ASTN2: variants seen among roughly 807,000 people sequenced by gnomAD.
The protein encoded by ASTN2 is astrotactin 2.
A neutral mutation model predicts 139.8 loss-of-function variants in ASTN2; 54 were observed. The observed-to-expected ratio is 0.39, with a 90% CI of 0.31 to 0.48. ASTN2 has a LOEUF of 0.48. ASTN2 is among the 20% of genes least tolerant of loss of function. ASTN2 has a pLI of 0.95. For missense variants in ASTN2, 1,565 were observed against 1,725.1 expected (o/e 0.91, Z 1.64); for synonymous variants, 756 against 719.5 (o/e 1.05, Z -0.81).
chr9:116,527,098 A>G (rs1323003577), intron 19 of ASTN2, among the ~76,000 whole-genome samples: 1 of 152,168 alleles, frequency 6.6e-6, no homozygotes, highest in Non-Finnish European at 1.5e-5. Context: ...CTAGAAGAAA[A>G]CAGTGGAAAA....
At chr9:117,385,390 G>A (rs1311040184) in intron 1 of ASTN2, among the ~76,000 whole-genome samples, 1 of 152,158 alleles carries the variant, frequency 6.6e-6, no homozygotes, top group Non-Finnish European at 1.5e-5. Flanking sequence ...TGTTTCTAGA[G>A]TATGTGGTCC....
intron 2 of ASTN2, among the ~76,000 whole-genome samples, chr9:117,269,195 C>T (rs751595588): frequency 6.6e-6 from 1 of 152,196 alleles, no homozygotes; most frequent in African/African-American, 2.4e-5. Flanking sequence ...GCTTACATTT[C>T]AGCAAAAGAC....
chr9:117,063,254 G>T (rs1337350205), intron 5 of ASTN2, among the ~76,000 whole-genome samples: 1 of 152,096 alleles, frequency 6.6e-6, no homozygotes. Flanking sequence ...AGAACCATTT[G>T]GGGCTCATCT....
chr9:116,763,813 T>C (rs1162505474), intron 13 of ASTN2, among the ~76,000 whole-genome samples: 1 of 152,164 alleles, frequency 6.6e-6, no homozygotes, highest in African/African-American at 2.4e-5. Context: ...CAGTAAGCTC[T>C]CCTATGGTTT....
intron 3 of ASTN2, chr9:117,181,025 G>T: frequency 1.3e-6 from 2 of 1,575,254 alleles, no homozygotes; most frequent in Non-Finnish European, 1.7e-6. Context: ...AGCCTGCACT[G>T]GGGTAGCGCA....
intron 14 of ASTN2, among the ~76,000 whole-genome samples, chr9:116,732,485 C>A (rs967391639): frequency 6.6e-5 from 10 of 152,178 alleles, no homozygotes; most frequent in African/African-American, 2.2e-4. Context: ...CCCTGGGGAA[C>A]AATTCCCCTC....
In ASTN2 at chr9:117,278,756, A is replaced by G. The variant is rs566382543; in HGVS notation, c.630+12570T>C. 3.9e-4 allele frequency among the ~76,000 whole-genome samples: 59 copies of G among 152,300 alleles called. No homozygotes were observed. The Middle Eastern group carries it at 0.01, about 26-fold the overall frequency. On this transcript the variant is annotated intron_variant, in intron 2 of 22. Transcript: ENST00000313400. ...TTAGCAGCCGAAGTTTGAATTGGGT[A>G]ATTGTTTGACTGTATCGGTGGATTT...
chr9:117,278,694 T>C lies in ASTN2; in HGVS notation c.630+12632A>G, dbSNP rs890727200. Reference sequence around the variant, plus strand: ...AGAAGGAAGGAAGAAAAAACAAGTGTTATTTTGCTATTAAAGACGCCCTTG... The same window carrying C: ...AGAAGGAAGGAAGAAAAAACAAGTGCTATTTTGCTATTAAAGACGCCCTTG... On this transcript the variant is annotated intron_variant, in intron 2 of 22. Coordinates refer to ENST00000313400, the MANE Select transcript of ASTN2 (RefSeq NM_001365068.1). Among the ~76,000 whole-genome samples the C allele has an allele frequency of 7.1e-4, 108 of 152,152 alleles. 2 individuals are homozygous for C. Among genetic ancestry groups the C allele is most frequent in the Admixed American group, 7.0e-3 (107 of 15,284 alleles).
chr9:116,889,435 C>T (rs1833701364), intron 10 of ASTN2, among the ~76,000 whole-genome samples: 1 of 152,092 alleles, frequency 6.6e-6, no homozygotes, highest in South Asian at 2.1e-4. Flanking sequence ...CTGCCGCTGG[C>T]CTGTTCACCT....
chr9:116,889,537 T>G (rs113387510), intron 10 of ASTN2, among the ~76,000 whole-genome samples: 3,071 of 152,230 alleles, frequency 0.02, 55 homozygotes, highest in Non-Finnish European at 0.033. Context: ...TTCTCATTTT[T>G]TTTTTGTGCA....
intron 4 of ASTN2, among the ~76,000 whole-genome samples, chr9:117,111,843 G>A (rs1224456407): frequency 1.3e-5 from 2 of 151,792 alleles, no homozygotes; most frequent in Non-Finnish European, 2.9e-5. Flanking sequence ...AGTTTGAAAG[G>A]AAGGAATGAA....
chr9:117,258,591 G>T (rs929274431), intron 2 of ASTN2, among the ~76,000 whole-genome samples: 13 of 152,094 alleles, frequency 8.5e-5, no homozygotes, highest in Non-Finnish European at 1.9e-4. Flanking sequence ...TGCTTTGCTT[G>T]CTTGTAAAGG....
At chr9:116,990,349 C>G (rs78005118) in intron 7 of ASTN2, among the ~76,000 whole-genome samples, 8,204 of 80,626 alleles carry the variant, frequency 0.1, 265 homozygotes, top group East Asian at 0.32. Context: ...CTCCTGCAAC[C>G]TCTGCCTCTT....
At chr9:116,460,160 T>C (rs919388262) in intron 20 of ASTN2, among the ~76,000 whole-genome samples, 1 of 152,134 alleles carries the variant, frequency 6.6e-6, no homozygotes, top group African/African-American at 2.4e-5. Context: ...AAAGGACATA[T>C]ATTGCATGAT....
chr9:117,396,668 T>G (rs932906209), intron 1 of ASTN2, among the ~76,000 whole-genome samples: 6 of 151,514 alleles, frequency 4.0e-5, no homozygotes, highest in Admixed American at 2.0e-4. Context: ...TGGGTTCAAG[T>G]GATTCTTCTG....
intron 4 of ASTN2, among the ~76,000 whole-genome samples, chr9:117,099,871 T>G (rs570139670): frequency 6.6e-6 from 1 of 152,314 alleles, no homozygotes. Context: ...CATAGATGAA[T>G]AACTGTCTCA....
chr9:117,179,943 A>G (rs1353166813), intron 3 of ASTN2, among the ~76,000 whole-genome samples: 3 of 152,174 alleles, frequency 2.0e-5, no homozygotes, highest in African/African-American at 7.2e-5. Context: ...TTCTGAGATC[A>G]TTGGTTCTCA....
At chr9:116,542,531 A>C (rs1196891255) in intron 19 of ASTN2, among the ~76,000 whole-genome samples, 2 of 152,236 alleles carry the variant, frequency 1.3e-5, no homozygotes, top group Admixed American at 6.5e-5. Flanking sequence ...AAAAACCTGA[A>C]CAAAGCCAAG....
intron 2 of ASTN2, among the ~76,000 whole-genome samples, chr9:117,242,588 C>T (rs1462439806): frequency 2.6e-5 from 4 of 152,194 alleles, no homozygotes; most frequent in Non-Finnish European, 5.9e-5. Flanking sequence ...AGCACATATA[C>T]ATATGGGTGG....
Sources: gnomAD v4.1 joint callset for allele counts (sites outside exome capture counted in the v4.1 genomes callset) on GRCh38, gnomAD v4.1.1 for gene constraint, MANE v1.5 for transcripts, NCBI Gene and HGNC (gene_info 2026-07-23, HGNC 2026-07-21) for gene names.